Variants in APC observed in about 807,000 individuals in gnomAD.
The protein encoded by APC is APC regulator of Wnt signaling pathway.
APC carries 72 observed loss-of-function variants against 247.0 expected under a neutral mutation model. The ratio of observed to expected loss-of-function variants is 0.29; its 90% CI spans 0.24 to 0.35. The LOEUF (loss-of-function observed/expected upper bound fraction) is 0.35. APC is among the 10% of genes least tolerant of loss of function. APC has a pLI of 1.00. For missense variants in APC, 3,400 were observed against 3,360.7 expected (o/e 1.01, Z -0.29); for synonymous variants, 1,254 against 1,162.5 (o/e 1.08, Z -1.60).
At chr5:112,835,322 G>A (rs1764766798) in intron 15 of APC, among the ~76,000 whole-genome samples, 157 bp downstream of exon 15, 1 of 152,154 alleles carries the variant, frequency 6.6e-6, no homozygotes, top group South Asian at 2.1e-4. Flanking sequence ...TAACTCATTA[G>A]TGTACTTAAT....
chr5:112,718,462 A>C (rs1327990859), intron 1 of APC, among the ~76,000 whole-genome samples: 1 of 152,146 alleles, frequency 6.6e-6, no homozygotes, highest in Non-Finnish European at 1.5e-5. Flanking sequence ...GCAGCCCTTT[A>C]GGGTCTCAGC....
At chr5:112,761,746 T>C (rs1290266223) in intron 2 of APC, among the ~76,000 whole-genome samples, 3 of 152,186 alleles carry the variant, frequency 2.0e-5, no homozygotes, top group Non-Finnish European at 4.4e-5. Flanking sequence ...ATAGACCTCA[T>C]TAAAACTAAG....
At chr5:112,825,816 A>G (rs1480359834) in intron 11 of APC, among the ~76,000 whole-genome samples, 2 of 152,166 alleles carry the variant, frequency 1.3e-5, no homozygotes, top group Non-Finnish European at 2.9e-5. Context: ...CACCTATTAT[A>G]TCACCCTGTG....
chr5:112,765,608 AGCTAGAATGGAAT>A (rs1756204070), intron 2 of APC, among the ~76,000 whole-genome samples: 1 of 152,200 alleles, frequency 6.6e-6, no homozygotes, highest in Non-Finnish European at 1.5e-5. Context: ...CTATGCTAGG[AGCTAGAATGGAAT>A]GCCTCAGTAA....
At position 112,843,756 on chromosome 5, in the gene APC, G is replaced by T. The variant is rs587780606; in HGVS notation, c.8162G>T (p.Arg2721Leu). The T allele has an allele frequency of 1.2e-6, 2 of 1,613,916 alleles. No individual in the cohort carries two copies. Among genetic ancestry groups the T allele is most frequent in the Non-Finnish European group, 1.7e-6 (2 of 1,179,846 alleles). The change falls in exon 16 of 16, where the codon CGC becomes CTC. Residue 2721 changes from arginine to leucine, a missense_variant. Physicochemically the swap from Arg to Leu is moderately radical, Grantham distance 102. This residue lies in a region of APC where 1,788 missense variants were observed against 1,649.5 expected (regional missense o/e 1.08). Transcript: ENST00000257430. The surrounding 1 kb of genome is among the most constrained non-coding windows in gnomAD (Gnocchi z 4.8). Reference protein sequence around the residue: ...VPMRTVGLENRLNSFIQVDAP... With the variant: ...VPMRTVGLENLLNSFIQVDAP... ...ATGCGTACCGTGGGTTTGGAAAATC[G>T]CCTGAACTCCTTTATTCAGGTGGAT...
chr5:112,738,461 G>C lies in APC; in HGVS notation c.-19+536G>C, dbSNP rs901200150. On this transcript the variant is annotated intron_variant, in intron 1 of 15. Transcript: ENST00000257430. ...GGATGAGAGAAAGAGGAGGAGGCAG[G>C]TACTGCAGAGCGTGAGTGGTGGTGT... 1.4e-5 allele frequency: 14 copies of C among 985,808 alleles called. No homozygotes were observed. The African/African-American group carries it at 2.4e-4, about 17-fold the overall frequency. The allele number at this position is 985,808 out of a possible 1,614,324, so 61.1% of individuals were successfully genotyped here. A position where few individuals can be genotyped will look rare whatever the true frequency, so the allele number is the denominator to read the frequency against.
intron 1 of APC, among the ~76,000 whole-genome samples, chr5:112,746,448 T>A (rs1387960218): frequency 2.0e-4 from 30 of 152,156 alleles, no homozygotes; most frequent in Admixed American, 2.0e-3. Context: ...AACTATACAT[T>A]TTCTCTTTAA....
At chr5:112,728,742 G>A (rs964980473) in intron 1 of APC, among the ~76,000 whole-genome samples, 2 of 151,464 alleles carry the variant, frequency 1.3e-5, no homozygotes, top group African/African-American at 4.9e-5. Flanking sequence ...AGTTGAAAAA[G>A]CTTTTGGCCA....
intron 10 of APC, 69 bp downstream of exon 10, chr5:112,819,413 A>G (rs1561542646): frequency 6.3e-7 from 1 of 1,583,808 alleles, no homozygotes; most frequent in Non-Finnish European, 8.7e-7. Context: ...AACAGAAAAC[A>G]TGTTTAGTTA....
intron 1 of APC, among the ~76,000 whole-genome samples, chr5:112,746,203 AG>A (rs1222338055): frequency 3.9e-5 from 6 of 152,166 alleles, no homozygotes; most frequent in Admixed American, 3.9e-4. Flanking sequence ...AAGCATTAAA[AG>A]AGTAAATCAC....
intron 6 of APC, among the ~76,000 whole-genome samples, chr5:112,789,476 C>A (rs558975762): frequency 1.3e-5 from 2 of 152,264 alleles, no homozygotes; most frequent in African/African-American, 4.8e-5. Flanking sequence ...CACTGGACAT[C>A]AAGACATAGA....
chr5:112,724,511 C>T (rs1273906756), intron 1 of APC, among the ~76,000 whole-genome samples: 1 of 141,576 alleles, frequency 7.1e-6, no homozygotes, highest in East Asian at 2.1e-4. Flanking sequence ...GTCTTGTCCT[C>T]AAACAGCTTT....
chr5:112,708,217 C>T (rs1302603096), intron 1 of APC, among the ~76,000 whole-genome samples: 1 of 152,198 alleles, frequency 6.6e-6, no homozygotes, highest in Admixed American at 6.5e-5. Flanking sequence ...CCCCATCTTC[C>T]TCGTTTGGAC....
At chr5:112,783,955 AC>A (rs1758663285) in intron 6 of APC, among the ~76,000 whole-genome samples, 1 of 151,984 alleles carries the variant, frequency 6.6e-6, no homozygotes, top group Non-Finnish European at 1.5e-5. Flanking sequence ...AAAGTAAGGT[AC>A]TATTTTTTTT....
At chr5:112,807,385 T>C (rs1427373552) in intron 8 of APC, among the ~76,000 whole-genome samples, 2 of 152,136 alleles carry the variant, frequency 1.3e-5, no homozygotes, top group African/African-American at 4.8e-5. Context: ...ACATTGTTAC[T>C]TGTGAATCAG....
intron 4 of APC, among the ~76,000 whole-genome samples, chr5:112,772,294 T>C (rs754642667): frequency 6.6e-6 from 1 of 152,214 alleles, no homozygotes; most frequent in Non-Finnish European, 1.5e-5. Context: ...CTGAGCCTTA[T>C]GAACTGCTGT....
rs1762887614 is a variant in APC at position 112,819,444 on chromosome 5, AGAG to A, written c.1312+104_1312+106del. 4.1e-6 allele frequency: 6 copies of A among 1,455,276 alleles called. No homozygotes were observed. In the South Asian group the frequency reaches 7.1e-5, roughly 17 times the overall value. The allele number at this position is 1,455,276 out of a possible 1,614,324, so 90.1% of individuals were successfully genotyped here. Reference sequence around the variant, plus strand: ...AGTTAATATGCTGTCTTTATGACTAAGAGGAGAAAATTCATATCAGCCATTTGT... The same window carrying A: ...AGTTAATATGCTGTCTTTATGACTAAGAGAAAATTCATATCAGCCATTTGT... On this transcript the variant is annotated intron_variant, in intron 10 of 15. Transcript: ENST00000257430.
chr5:112,842,134 G>C lies in APC; in HGVS notation c.6540G>C (p.Lys2180Asn), dbSNP rs1465288890. Residue 2180 changes from lysine (K) to asparagine (N), a missense_variant, in exon 16 of 16, where the codon AAG becomes AAC. Physicochemically the swap from Lys to Asn is moderately conservative, Grantham distance 94. Around this residue, in one of 9 missense-constraint regions of APC, gnomAD observed 1,788 missense variants for 1,649.5 expected, o/e 1.08. Transcript: ENST00000257430. ...AGAAAAGTACATTGGAAACTAAAAA[G>C]ATAGAATCTGAAAGTAAAGGAATCA... The part of the protein sequence containing the change: ...PGEKSTLETK[K>N]IESESKGIKG... The C allele has an allele frequency of 6.2e-7, 1 of 1,611,448 alleles. No individual in the cohort carries two copies. Among genetic ancestry groups the C allele is most frequent in the South Asian group, 1.1e-5 (1 of 90,702 alleles).
At chr5:112,785,281 C>G (rs1758812873) in intron 6 of APC, among the ~76,000 whole-genome samples, 1 of 151,950 alleles carries the variant, frequency 6.6e-6, no homozygotes. Flanking sequence ...CCTAGAAAAG[C>G]TATACAAAAT....
Sources: gnomAD v4.1 joint callset for allele counts (sites outside exome capture counted in the v4.1 genomes callset) on GRCh38, gnomAD v4.1.1 for gene constraint, gnomAD v4.1.1 regional missense constraint, Gnocchi (gnomAD v3.1) non-coding constraint, MANE v1.5 for transcripts, NCBI Gene and HGNC (gene_info 2026-07-23, HGNC 2026-07-21) for gene names.